The following ZNF644 variants were observed in gnomAD, a reference collection of about 807,000 sequenced individuals.
ZNF644 encodes zinc finger motif enhancer binding protein 2.
A neutral mutation model predicts 108.0 loss-of-function variants in ZNF644; 20 were observed. The ratio of observed to expected loss-of-function variants is 0.19; its 90% confidence interval spans 0.13 to 0.27. ZNF644 has a LOEUF of 0.27. ZNF644 is among the 10% of genes least tolerant of loss of function. ZNF644 has a pLI of 1.00. For synonymous variants in ZNF644, 542 were observed against 539.1 expected (o/e 1.01, Z -0.08); for missense variants, 1,338 against 1,548.9 (o/e 0.86, Z 2.29).
At chr1:90,977,395 C>G (rs923130151) in intron 2 of ZNF644, among the ~76,000 whole-genome samples, 1 of 151,888 alleles carries the variant, frequency 6.6e-6, no homozygotes. Context: ...ACTGTAATAC[C>G]TAAAACACAA....
intron 1 of ZNF644, among the ~76,000 whole-genome samples, chr1:90,996,707 A>G (rs1191366440): frequency 6.6e-6 from 1 of 152,172 alleles, no homozygotes; most frequent in African/African-American, 2.4e-5. Flanking sequence ...GTTGAGCCCA[A>G]GACTTTGAGG....
intron 1 of ZNF644, among the ~76,000 whole-genome samples, chr1:91,018,385 T>G (rs1174934883): frequency 6.6e-6 from 1 of 152,210 alleles, no homozygotes; most frequent in Non-Finnish European, 1.5e-5. Flanking sequence ...TATTTACAGA[T>G]TCTCCATATA....
At chr1:90,956,175 G>A (rs370496916) in intron 2 of ZNF644, among the ~76,000 whole-genome samples, 8 of 152,122 alleles carry the variant, frequency 5.3e-5, no homozygotes, top group African/African-American at 1.9e-4. Context: ...GGTTTGTGGT[G>A]CCCTAAAACA....
At chr1:90,945,427 A>G (rs1339653162) in intron 2 of ZNF644, among the ~76,000 whole-genome samples, 1 of 152,134 alleles carries the variant, frequency 6.6e-6, no homozygotes, top group Non-Finnish European at 1.5e-5. Flanking sequence ...CTCTAGTTAT[A>G]TACTGTGAGC....
chr1:90,920,717 T>C (rs1649333969), intron 4 of ZNF644, among the ~76,000 whole-genome samples: 1 of 151,972 alleles, frequency 6.6e-6, no homozygotes, highest in Admixed American at 6.6e-5. Flanking sequence ...CTCTGCCAGC[T>C]TATGACTGAT....
At chr1:90,919,814 TAGAC>T (rs1019460492) in intron 4 of ZNF644, among the ~76,000 whole-genome samples, 2 of 152,108 alleles carry the variant, frequency 1.3e-5, no homozygotes, top group Admixed American at 6.5e-5. Flanking sequence ...CATTGATATT[TAGAC>T]AGCCTATGAA....
chr1:90,957,712 TAA>T (rs1653890955), intron 2 of ZNF644, among the ~76,000 whole-genome samples: 3 of 152,252 alleles, frequency 2.0e-5, no homozygotes, highest in South Asian at 4.1e-4. Context: ...CTAATATCAG[TAA>T]AGAGACAAGG....
intron 4 of ZNF644, 107 bp downstream of exon 4, chr1:90,937,374 AGCTT>A: frequency 1.2e-5 from 17 of 1,460,548 alleles, no homozygotes; most frequent in Admixed American, 1.9e-5. Flanking sequence ...AAAAAAAAGC[AGCTT>A]AAACAGGAAG....
At position 90,940,220 on chromosome 1, in the gene ZNF644, A is replaced by G; in HGVS notation, c.1134T>C (p.His378=). 1.2e-6 allele frequency: 2 copies of G among 1,614,064 alleles called. No individual in the cohort carries two copies. Among genetic ancestry groups the G allele is most frequent in the Non-Finnish European group, 1.7e-6 (2 of 1,179,958 alleles). ...DKCGEESSPV[H]TSTFLSNTLK... is the part of the protein sequence containing the mutation. ...AGGTATTTGAAAGAAAAGTGCTAGT[A>G]TGAACAGGTGAACTCTCTTCTCCAC... Residue 378 remains histidine (H), a synonymous_variant, in exon 3 of 6, where the codon CAT becomes CAC. Transcript: ENST00000337393.
intron 1 of ZNF644, among the ~76,000 whole-genome samples, chr1:90,997,567 G>T (rs1658273424): frequency 1.3e-5 from 2 of 152,072 alleles, no homozygotes; most frequent in South Asian, 4.1e-4. Context: ...AAAAAAAAGG[G>T]GAGGGGGGCG....
At chr1:90,920,672 A>C (rs1649327545) in intron 4 of ZNF644, among the ~76,000 whole-genome samples, 1 of 152,118 alleles carries the variant, frequency 6.6e-6, no homozygotes, top group South Asian at 2.1e-4. Flanking sequence ...AGCAATGAGT[A>C]TTTGAAGGTA....
intron 1 of ZNF644, among the ~76,000 whole-genome samples, chr1:91,004,725 G>A (rs550820580): frequency 7.2e-5 from 11 of 152,206 alleles, no homozygotes; most frequent in Middle Eastern, 3.4e-3. Flanking sequence ...AGCTATATAG[G>A]AGCAAAATGT....
chr1:90,948,859 A>C (rs1218635455), intron 2 of ZNF644, among the ~76,000 whole-genome samples: 1 of 152,240 alleles, frequency 6.6e-6, no homozygotes, highest in African/African-American at 2.4e-5. Flanking sequence ...CTCAGTAATT[A>C]AGTTTTTCAA....
chr1:91,001,692 C>T (rs1039162805), intron 1 of ZNF644, among the ~76,000 whole-genome samples: 4 of 152,116 alleles, frequency 2.6e-5, no homozygotes, highest in African/African-American at 9.7e-5. Context: ...CCAGGACAAT[C>T]AGGCAGGAGA....
chr1:90,966,463 CA>C (rs1654899368), intron 2 of ZNF644, among the ~76,000 whole-genome samples: 1 of 151,866 alleles, frequency 6.6e-6, no homozygotes, highest in Non-Finnish European at 1.5e-5. Context: ...ATCTGGGGAA[CA>C]GGGGCCAGGT....
intron 2 of ZNF644, 99 bp from the exon 3 acceptor site, chr1:90,941,408 T>C: frequency 9.4e-7 from 1 of 1,063,750 alleles, no homozygotes; most frequent in Non-Finnish European, 1.3e-6. Context: ...AGTTTAATTT[T>C]CTACTCTTTA....
At chr1:90,933,398 T>A (rs549352) in intron 4 of ZNF644, among the ~76,000 whole-genome samples, 21,278 of 152,068 alleles carry the variant, frequency 0.14, 1,557 homozygotes, top group African/African-American at 0.17. Context: ...GCGGTGGCTC[T>A]CGGCTGTAAT....
At chr1:90,919,570 T>C (rs925991088) in intron 4 of ZNF644, among the ~76,000 whole-genome samples, 7 of 152,060 alleles carry the variant, frequency 4.6e-5, no homozygotes, top group African/African-American at 1.7e-4. Flanking sequence ...AAAAGTAAAA[T>C]CTAGGACACA....
At chr1:90,944,193 T>C (rs1371610806) in intron 2 of ZNF644, among the ~76,000 whole-genome samples, 1 of 152,160 alleles carries the variant, frequency 6.6e-6, no homozygotes, top group Non-Finnish European at 1.5e-5. Flanking sequence ...GAACAGACGC[T>C]TCCCATTTAA....
Sources: gnomAD v4.1 joint callset for allele counts (sites outside exome capture counted in the v4.1 genomes callset) on GRCh38, gnomAD v4.1.1 for gene constraint, MANE v1.5 for transcripts, NCBI Gene and HGNC (gene_info 2026-07-23, HGNC 2026-07-21) for gene names.